The following PIK3C2A variants were observed in gnomAD, a reference collection of about 807,000 sequenced individuals.
PIK3C2A encodes phosphatidylinositol 4-phosphate 3-kinase C2 domain-containing subunit alpha.
In PIK3C2A, 97 loss-of-function variants were observed where a neutral mutation model predicts 204.5. The ratio of observed to expected loss-of-function variants is 0.47; its 90% CI spans 0.40 to 0.56. PIK3C2A has a LOEUF of 0.56. Among genes scored for constraint, PIK3C2A ranks in the 20% least tolerant of loss-of-function variants. The pLI is 0.00. For synonymous variants in PIK3C2A, 653 were observed against 664.4 expected (o/e 0.98, Z 0.26); for missense variants, 1,735 against 1,969.2 (o/e 0.88, Z 2.25).
Position 17,129,404 on chromosome 11 carries a change from A to C in PIK3C2A, c.2295T>G (p.Phe765Leu), listed in dbSNP as rs1413395903. 5.6e-6 allele frequency: 9 copies of C among 1,611,516 alleles called. No homozygotes were observed. Among genetic ancestry groups the C allele is most frequent in the Non-Finnish European group, 7.6e-6 (9 of 1,177,724 alleles). Residue 765 changes from phenylalanine to leucine, a missense_variant, in exon 13 of 33, where the codon TTT becomes TTG. By Grantham distance (22) the Phe-to-Leu change is conservative. Coordinates refer to ENST00000691414, the MANE Select transcript of PIK3C2A (RefSeq NM_002645.4). The part of the protein sequence containing the change: ...PLESVLHLTL[F>L]GILNQSSGSS... The stretch of plus-strand genomic sequence containing the variant: ...TTCCACTGCTCTGATTTAAAATTCC[A>C]AAAAGAGTAAGGTGAAGAACTGATT...
chr11:17,114,328 G>A, intron 20 of PIK3C2A, 33 bp downstream of exon 20: 1 of 1,079,384 alleles, frequency 9.3e-7, no homozygotes, highest in Non-Finnish European at 1.4e-6. Context: ...ATTTTCAAAT[G>A]TAATATGAAC....
intron 1 of PIK3C2A, among the ~76,000 whole-genome samples, chr11:17,177,437 T>C (rs1851373033): frequency 6.6e-6 from 1 of 152,000 alleles, no homozygotes; most frequent in Non-Finnish European, 1.5e-5. Flanking sequence ...AAGCTCAAAT[T>C]CTGAAACAGA....
At position 17,090,455 on chromosome 11, in the gene PIK3C2A, G is replaced by A. The variant is rs183677837; in HGVS notation, c.4879-535C>T. Among the ~76,000 whole-genome samples, 777 of 152,146 alleles carry A rather than the reference G, an allele frequency of 5.1e-3. 13 individuals are homozygous for A. Among genetic ancestry groups the A allele is most frequent in the African/African-American group, 0.018 (740 of 41,520 alleles). ...GCACTCTAGCCTGGGTAACAACAGC[G>A]AAACTCTGCCTCTAAAAATAAATAA... On this transcript the variant is annotated intron_variant, in intron 32 of 32. Transcript: ENST00000691414.
At chr11:17,183,675 T>TA (rs1398970561) in intron 1 of PIK3C2A, among the ~76,000 whole-genome samples, 3 of 150,650 alleles carry the variant, frequency 2.0e-5, no homozygotes, top group Non-Finnish European at 4.4e-5. Flanking sequence ...AAAGAAACTG[T>TA]AAAAAAACAA....
At position 17,169,800 on chromosome 11, in the gene PIK3C2A, G is replaced by C. The variant is rs924769412; in HGVS notation, c.-59C>G. ...TTTTTTTCTTGTAGCTTCCAAAATA[G>C]CAAGGCCTATACATAAAAATAAACA... On this transcript the variant is annotated 5_prime_UTR_variant, in exon 2 of 33. Transcript: ENST00000691414. 6 of 1,118,504 alleles carry C rather than the reference G, an allele frequency of 5.4e-6. No individual in the cohort carries two copies. The highest frequency in any genetic ancestry group is 6.4e-6 in the Non-Finnish European group (5 of 782,558). 69.3% of individuals were successfully genotyped at this position (1,118,504 alleles called of 1,614,324 possible).
chr11:17,196,331 C>T (rs79928645), intron 1 of PIK3C2A, among the ~76,000 whole-genome samples: 149 of 152,248 alleles, frequency 9.8e-4, no homozygotes, highest in African/African-American at 3.1e-3. Flanking sequence ...TTACATTGCT[C>T]AAGATCCCTA....
chr11:17,148,820 C>T, intron 4 of PIK3C2A, 33 bp from the exon 5 acceptor site: 7 of 1,573,966 alleles, frequency 4.4e-6, no homozygotes, highest in Non-Finnish European at 4.4e-6. Flanking sequence ...TTTCACTTTG[C>T]TCATTTATAT....
intron 11 of PIK3C2A, among the ~76,000 whole-genome samples, chr11:17,133,902 T>C (rs776295191): frequency 1.4e-4 from 22 of 151,870 alleles, no homozygotes; most frequent in Non-Finnish European, 2.9e-4. Flanking sequence ...CACTCTACCA[T>C]GGGCAACAAT....
At chr11:17,126,287 G>C (rs1849519978) in intron 13 of PIK3C2A, among the ~76,000 whole-genome samples, 1 of 151,930 alleles carries the variant, frequency 6.6e-6, no homozygotes, top group African/African-American at 2.4e-5. Context: ...GGTAGCTCAC[G>C]CCTATAATCT....
chr11:17,090,380 T>C (rs1848272119), intron 32 of PIK3C2A, among the ~76,000 whole-genome samples: 1 of 152,166 alleles, frequency 6.6e-6, no homozygotes, highest in Non-Finnish European at 1.5e-5. Flanking sequence ...GGCAGGAGAA[T>C]CACTTGAACT....
intron 1 of PIK3C2A, among the ~76,000 whole-genome samples, chr11:17,187,341 A>C (rs1851786433): frequency 6.6e-6 from 1 of 152,192 alleles, no homozygotes; most frequent in Non-Finnish European, 1.5e-5. Flanking sequence ...GGAATAAAAC[A>C]CTAAATCTAA....
intron 1 of PIK3C2A, among the ~76,000 whole-genome samples, chr11:17,203,810 C>T (rs1446334739): frequency 1.3e-5 from 2 of 152,056 alleles, no homozygotes; most frequent in African/African-American, 2.4e-5. Flanking sequence ...CAGTGGCTCA[C>T]GCCTGTAATC....
At chr11:17,092,357 A>C (rs1848334012) in intron 28 of PIK3C2A, 81 bp from the exon 29 acceptor site, 1 of 744,648 alleles carries the variant, frequency 1.3e-6, no homozygotes, top group South Asian at 1.6e-5. Flanking sequence ...TATATACTTA[A>C]AGACAAAGTA....
intron 8 of PIK3C2A, among the ~76,000 whole-genome samples, chr11:17,139,375 G>A (rs1849980111): frequency 1.3e-5 from 2 of 151,908 alleles, no homozygotes; most frequent in African/African-American, 4.8e-5. Flanking sequence ...TTACAAGCAT[G>A]TGCCACCATG....
chr11:17,184,847 G>A (rs569253063), intron 1 of PIK3C2A, among the ~76,000 whole-genome samples: 27 of 152,272 alleles, frequency 1.8e-4, no homozygotes, highest in South Asian at 2.1e-4. Flanking sequence ...GGAGGCTGAG[G>A]TGGGAGGATC....
chr11:17,190,637 G>C (rs1851908960), intron 1 of PIK3C2A, among the ~76,000 whole-genome samples: 1 of 151,800 alleles, frequency 6.6e-6, no homozygotes, highest in African/African-American at 2.4e-5. Context: ...TAGACAATAT[G>C]TATGAAGTGA....
rs1247072331 is a variant in PIK3C2A at position 17,191,118 on chromosome 11, T to C, written c.-66+16730A>G. 4.6e-5 allele frequency among the ~76,000 whole-genome samples: 7 copies of C among 152,340 alleles called. No individual in the cohort carries two copies. In the East Asian group the frequency reaches 5.8e-4, roughly 13 times the overall value. On this transcript the variant is annotated intron_variant, in intron 1 of 32. Coordinates refer to ENST00000691414, the MANE Select transcript of PIK3C2A (RefSeq NM_002645.4). ...ATGGAGTTAGGATCAAATCCATCTA[T>C]TGTCTACAGAGTCTGTTCCTAAAGA... is the stretch of plus-strand genomic sequence containing the variant.
At chr11:17,198,045 G>A (rs1852222239) in intron 1 of PIK3C2A, among the ~76,000 whole-genome samples, 1 of 151,802 alleles carries the variant, frequency 6.6e-6, no homozygotes, top group Admixed American at 6.6e-5. Context: ...TTATATAACA[G>A]TGATAGCAGG....
Position 17,169,303 on chromosome 11 carries a change from G to T in PIK3C2A, c.439C>A (p.Pro147Thr), listed in dbSNP as rs773956432. The T allele has an allele frequency of 1.9e-6, 3 of 1,614,154 alleles. No homozygotes were observed. The highest frequency in any genetic ancestry group is 1.1e-5 in the South Asian group (1 of 91,078). Residue 147 changes from proline to threonine, a missense_variant, in exon 2 of 33, where the codon CCT becomes ACT. Around this residue, in one of 6 missense-constraint regions of PIK3C2A, gnomAD observed 536 missense variants for 546.7 expected, o/e 0.98. Coordinates refer to ENST00000691414, the MANE Select transcript of PIK3C2A (RefSeq NM_002645.4). ...IQRGQWPPGL[P>T]GPSTYALPSI... The stretch of plus-strand genomic sequence containing the variant: ...GGTAAAGCATAAGTGGAAGGCCCAG[G>T]TAATCCAGGTGGCCACTGTCCTCTC...
Sources: gnomAD v4.1 joint callset for allele counts (sites outside exome capture counted in the v4.1 genomes callset) on GRCh38, gnomAD v4.1.1 for gene constraint, gnomAD v4.1.1 regional missense constraint, MANE v1.5 for transcripts, NCBI Gene and HGNC (gene_info 2026-07-23, HGNC 2026-07-21) for gene names.